The following MTAP variants were observed in gnomAD, a reference collection of about 807,000 sequenced individuals.
MTAP encodes the protein S-methyl-5'-thioadenosine phosphorylase.
In MTAP, 33 loss-of-function variants were observed where a neutral mutation model predicts 33.6. The ratio of observed to expected loss-of-function variants is 0.98; its 90% confidence interval spans 0.74 to 1.31. MTAP has a LOEUF of 1.31. MTAP is among the 40% of genes most tolerant of loss of function. The probability of loss-of-function intolerance (pLI) is 0.00; values close to 1 mark genes in which losing one functional copy is unlikely to be tolerated. For missense variants in MTAP, 367 were observed against 360.0 expected (o/e 1.02, Z -0.16); for synonymous variants, 148 against 125.7 (o/e 1.18, Z -1.19).
chr9:21,856,573 T>G (rs118080906), intron 6 of MTAP, among the ~76,000 whole-genome samples: 1,554 of 152,324 alleles, frequency 0.01, 10 homozygotes, highest in Middle Eastern at 0.024. Flanking sequence ...GCCTGTGGCT[T>G]TCTGCTCAGT....
In MTAP at chr9:21,864,036, A is replaced by G; in HGVS notation, c.*2022A>G. ...GTGTGATTGTTTTCACTACAATATG[A>G]TACATAGATGGTACCTTACTTTTCC... is the stretch of plus-strand genomic sequence containing the variant. On this transcript the variant is annotated 3_prime_UTR_variant, in exon 8 of 8. Transcript: ENST00000644715. The G allele has an allele frequency of 1.0e-6, 1 of 985,566 alleles. No homozygotes were observed. The highest frequency in any genetic ancestry group is 1.7e-5 in the African/African-American group (1 of 57,348). 61.1% of individuals were successfully genotyped at this position (985,566 alleles called of 1,614,324 possible). A position where few individuals can be genotyped will look rare whatever the true frequency, so the allele number is the denominator to read the frequency against.
intron 1 of MTAP, among the ~76,000 whole-genome samples, chr9:21,883,930 T>C (rs1398301939): frequency 2.0e-5 from 3 of 151,990 alleles, no homozygotes; most frequent in African/African-American, 7.3e-5. Flanking sequence ...GTGAAGGTCA[T>C]GTGGGAGCTT....
At chr9:21,900,113 G>A (rs570224425) in intron 1 of MTAP, among the ~76,000 whole-genome samples, 77 of 152,130 alleles carry the variant, frequency 5.1e-4, no homozygotes, top group Non-Finnish European at 9.4e-4. Flanking sequence ...TCTAGACATA[G>A]GCCTTGGCAA....
At position 21,802,660 on chromosome 9, in the gene MTAP, G is replaced by C. The variant is rs878972045; in HGVS notation, c.-89G>C. 2.7e-6 allele frequency: 4 copies of C among 1,496,976 alleles called. No homozygotes were observed. The highest frequency in any genetic ancestry group is 2.8e-5 in the African/African-American group (2 of 71,832). The allele number at this position is 1,496,976 out of a possible 1,614,324, so 92.7% of individuals were successfully genotyped here. A position where few individuals can be genotyped will look rare whatever the true frequency, so the allele number is the denominator to read the frequency against. The stretch of plus-strand genomic sequence containing the variant: ...TCTCCGCACTGCTCACTCCCGCGCA[G>C]TGAGGTTGGCACAGCCACCGCTCTG... On this transcript the variant is annotated 5_prime_UTR_variant, in exon 1 of 8. Transcript: ENST00000644715.
At chr9:21,911,334 C>T (rs574171407) in intron 1 of MTAP, among the ~76,000 whole-genome samples, 174 of 152,156 alleles carry the variant, frequency 1.1e-3, no homozygotes, top group Non-Finnish European at 2.0e-3. Flanking sequence ...ACATTCTTCT[C>T]AGCACCACAC....
intron 4 of MTAP, among the ~76,000 whole-genome samples, chr9:21,827,077 C>T (rs778571104): frequency 1.3e-4 from 20 of 152,136 alleles, no homozygotes; most frequent in African/African-American, 1.9e-4. Context: ...AATCAGTCCC[C>T]GGTGCCAAAA....
intron 2 of MTAP, 135 bp downstream of exon 2, chr9:21,815,654 G>A: frequency 1.5e-6 from 1 of 676,080 alleles, no homozygotes; most frequent in South Asian, 1.8e-5. Flanking sequence ...CAGCAGAGAG[G>A]GCCAGAAGTT....
chr9:21,908,134 T>A (rs1818504463), intron 1 of MTAP, among the ~76,000 whole-genome samples: 1 of 152,182 alleles, frequency 6.6e-6, no homozygotes, highest in Non-Finnish European at 1.5e-5. Flanking sequence ...CCTCACTCCT[T>A]CCTTAATCCT....
intron 7 of MTAP, chr9:21,860,109 G>A (rs1013548892): frequency 6.6e-6 from 1 of 152,150 alleles, no homozygotes; most frequent in Non-Finnish European, 1.5e-5. Flanking sequence ...TTCTGGTGGT[G>A]GTGGAGAGAG....
intron 1 of MTAP, among the ~76,000 whole-genome samples, chr9:21,911,868 A>T (rs1008240016): frequency 6.6e-6 from 1 of 152,194 alleles, no homozygotes; most frequent in African/African-American, 2.4e-5. Context: ...GATCAACAAA[A>T]TTGATGGACC....
intron 1 of MTAP, among the ~76,000 whole-genome samples, chr9:21,911,033 A>G (rs1563867652): frequency 6.6e-6 from 1 of 152,230 alleles, no homozygotes; most frequent in Admixed American, 6.5e-5. Flanking sequence ...AGAGACAAAG[A>G]AGGCCATTAC....
At chr9:21,858,300 G>A (rs554442812) in intron 6 of MTAP, among the ~76,000 whole-genome samples, 10 of 152,262 alleles carry the variant, frequency 6.6e-5, no homozygotes, top group African/African-American at 2.2e-4. Context: ...TATTTTCTCC[G>A]ATACCATATT....
At chr9:21,918,930 A>G (rs967817333) in intron 1 of MTAP, among the ~76,000 whole-genome samples, 12 of 152,232 alleles carry the variant, frequency 7.9e-5, no homozygotes, top group Admixed American at 2.0e-4. Flanking sequence ...AGACTAATAA[A>G]ATGATACCTG....
chr9:21,910,821 T>C lies in MTAP; in HGVS notation c.148-20187T>C, dbSNP rs1479957530. Among the ~76,000 whole-genome samples, 6 of 152,042 alleles carry C rather than the reference T, an allele frequency of 3.9e-5. No individual in the cohort carries two copies. In the East Asian group the frequency reaches 9.6e-4, roughly 24 times the overall value. On this transcript the variant is annotated intron_variant, in intron 1 of 1. Transcript: ENST00000577563. ...TCCATCGCTCTCCAAAATCACCATA[T>C]CTATTAGCAACCACTCTTCAAGTCC...
At chr9:21,916,334 G>T (rs894603321) in intron 1 of MTAP, among the ~76,000 whole-genome samples, 1 of 152,084 alleles carries the variant, frequency 6.6e-6, no homozygotes, top group African/African-American at 2.4e-5. Flanking sequence ...TTTTAGCTGG[G>T]CATGGTGGCT....
rs774955664 is a variant in MTAP at position 21,815,510 on chromosome 9, A to G, written c.111A>G (p.Pro37=). ...EGRTEKYVDT[P]FGKPSDALIL... ...GAACTGAAAAATATGTGGATACTCC[A>G]TTTGGCAAGGTTAATATCCAACTTG... is the stretch of plus-strand genomic sequence containing the variant. Residue 37 remains proline, a synonymous_variant, in exon 2 of 8, where the codon CCA becomes CCG. Coordinates refer to ENST00000644715, the MANE Select transcript of MTAP (RefSeq NM_002451.4). 1.4e-5 allele frequency: 23 copies of G among 1,608,148 alleles called. No individual in the cohort carries two copies. The East Asian group carries it at 4.2e-4, about 30-fold the overall frequency.
rs58420853 is a variant in MTAP, at chr9:21,808,011, C to G, written c.33+5230C>G. Among the ~76,000 whole-genome samples the G allele has an allele frequency of 1.2e-3, 184 of 152,304 alleles. 4 individuals carry two copies. The East Asian group carries it at 0.033, about 27-fold the overall frequency. On this transcript the variant is annotated intron_variant, in intron 1 of 7. Coordinates refer to ENST00000644715, the MANE Select transcript of MTAP (RefSeq NM_002451.4). ...CTCAAAAGCATCTAAAGCAGTGGTT[C>G]TCAAAGCGTGTCATGCATTCATATC...
chr9:21,937,582 C>G (rs1444885911), exon 8 of MTAP: 1 of 152,098 alleles, frequency 6.6e-6, no homozygotes, highest in African/African-American at 2.4e-5. Context: ...AAAATTGAAT[C>G]TTCCCAACAA....
intron 5 of MTAP, among the ~76,000 whole-genome samples, chr9:21,846,856 A>T (rs1825397663): frequency 6.6e-6 from 1 of 152,248 alleles, no homozygotes; most frequent in Non-Finnish European, 1.5e-5. Flanking sequence ...CAATGAGTGA[A>T]TAAAGAAAAT....
Sources: allele counts gnomAD v4.1 joint callset (sites outside exome capture counted in the v4.1 genomes callset), GRCh38; gene constraint gnomAD v4.1.1; transcripts MANE v1.5; gene names NCBI Gene and HGNC (gene_info 2026-07-23, HGNC 2026-07-21).